The following SEMA3A variants were observed in gnomAD, a reference collection of about 807,000 sequenced individuals.
SEMA3A encodes the protein semaphorin 3A.
Under a neutral mutation model 97.9 loss-of-function variants are expected in SEMA3A, and 29 were observed. That is an observed-to-expected ratio of 0.30 (90% CI 0.22 to 0.40). The LOEUF is 0.40. Ranked by LOEUF, SEMA3A falls within the 10% of genes least tolerant of loss-of-function variation. The pLI is 1.00. For synonymous variants in SEMA3A, 321 were observed against 323.7 expected, an observed-to-expected ratio of 0.99 and a Z score of 0.09; for missense variants, 763 against 951.3, an observed-to-expected ratio of 0.80 and a Z score of 2.60.
chr7:84,448,789 A>G (rs34483851), intron 1 of SEMA3A, among the ~76,000 whole-genome samples: 17,110 of 147,416 alleles, frequency 0.12, 1,190 homozygotes, highest in East Asian at 0.28. Flanking sequence ...ATTTCCATAG[A>G]AAAAAAAAAA....
chr7:84,138,516 T>A (rs530331918), intron 1 of SEMA3A, among the ~76,000 whole-genome samples: 1 of 152,326 alleles, frequency 6.6e-6, no homozygotes, highest in South Asian at 2.1e-4. Context: ...ACAGAATTAC[T>A]GTTTCCTACG....
chr7:84,277,681 C>T (rs570937041), intron 3 of SEMA3A, among the ~76,000 whole-genome samples: 13 of 151,990 alleles, frequency 8.6e-5, no homozygotes, highest in Admixed American at 5.3e-4. Context: ...GGAAGCAGAA[C>T]GCAGACATCT....
intron 4 of SEMA3A, among the ~76,000 whole-genome samples, chr7:84,080,022 C>A (rs1048676200): frequency 1.4e-5 from 2 of 144,532 alleles, no homozygotes; most frequent in Non-Finnish European, 3.0e-5. Context: ...ACTATGCAGC[C>A]ATAAAAAATG....
chr7:84,028,484 T>C (rs769178445), intron 6 of SEMA3A, among the ~76,000 whole-genome samples: 25 of 152,224 alleles, frequency 1.6e-4, no homozygotes, highest in Non-Finnish European at 3.2e-4. Flanking sequence ...TATGTTCTTT[T>C]TACTTAAATA....
rs752729583 is a variant in SEMA3A, at chr7:84,008,490, CA to C, written c.996-994del. Among the ~76,000 whole-genome samples, 187 of 81,172 alleles carry C rather than the reference CA, an allele frequency of 2.3e-3. 1 individual carries two copies. The highest frequency in any genetic ancestry group is 5.4e-3 in the African/African-American group (129 of 23,822). 53.3% of individuals were successfully genotyped at this position (81,172 alleles called of 152,430 possible). A position where few individuals can be genotyped will look rare whatever the true frequency, so the allele number is the denominator to read the frequency against. ...TGGGCTACAGAACAAGACTCCGTCTCAAAAAAAAAAAAAAAAAAGAAAGAAA... is the reference window on the plus strand; with the variant it reads ...TGGGCTACAGAACAAGACTCCGTCTCAAAAAAAAAAAAAAAAAGAAAGAAA... On this transcript the variant is annotated intron_variant, in intron 9 of 16. Coordinates refer to ENST00000265362, the MANE Select transcript of SEMA3A (RefSeq NM_006080.3).
chr7:84,046,243 G>A, intron 6 of SEMA3A, 81 bp downstream of exon 6: 1 of 1,494,634 alleles, frequency 6.7e-7, no homozygotes, highest in Non-Finnish European at 9.2e-7. Context: ...AAGTCATATT[G>A]CATGTACTGT....
In SEMA3A at chr7:83,958,861, A is replaced by G. The variant is rs1353804060; in HGVS notation, c.*2510T>C. 1 of 152,324 alleles carries G rather than the reference A, an allele frequency of 6.6e-6. No homozygotes were observed. The highest frequency in any genetic ancestry group is 1.9e-4 in the East Asian group (1 of 5,182). The allele number at this position is 152,324 out of a possible 1,614,324, so 9.4% of individuals were successfully genotyped here. On this transcript the variant is annotated 3_prime_UTR_variant, in exon 17 of 17. Coordinates refer to ENST00000265362, the MANE Select transcript of SEMA3A (RefSeq NM_006080.3). ...TTAAGACTGCTGTTGTAATTTTCGT[A>G]AGGTCACATGAGTCTCTCAAACAGT...
intron 1 of SEMA3A, among the ~76,000 whole-genome samples, chr7:84,174,533 A>G (rs1184565198): frequency 6.6e-6 from 1 of 152,214 alleles, no homozygotes; most frequent in Admixed American, 6.5e-5. Context: ...CAACTTACGC[A>G]TCCACAAAAA....
At chr7:84,080,547 C>G (rs1317376203) in intron 4 of SEMA3A, among the ~76,000 whole-genome samples, 1 of 150,262 alleles carries the variant, frequency 6.7e-6, no homozygotes, top group Non-Finnish European at 1.5e-5. Context: ...TTATAATTTG[C>G]AGCTTATAAT....
At chr7:84,049,174 G>A (rs1340594136) in intron 5 of SEMA3A, among the ~76,000 whole-genome samples, 1 of 152,092 alleles carries the variant, frequency 6.6e-6, no homozygotes, top group African/African-American at 2.4e-5. Flanking sequence ...TTAGGCACCA[G>A]TTGCCTCCAG....
chr7:84,361,844 A>G (rs521595), intron 2 of SEMA3A, among the ~76,000 whole-genome samples: 43,614 of 151,822 alleles, frequency 0.29, 6,746 homozygotes, highest in African/African-American at 0.38. Context: ...GGTGTCCTTC[A>G]TTTTCATTAC....
chr7:84,156,805 T>C (rs1469026614), intron 1 of SEMA3A, among the ~76,000 whole-genome samples: 1 of 152,140 alleles, frequency 6.6e-6, no homozygotes, highest in African/African-American at 2.4e-5. Context: ...ATGTTAATCC[T>C]TTCAGGAACA....
intron 1 of SEMA3A, among the ~76,000 whole-genome samples, chr7:84,381,476 T>G (rs1294746129): frequency 6.6e-6 from 1 of 152,228 alleles, no homozygotes; most frequent in East Asian, 1.9e-4. Context: ...GACTAATGTC[T>G]TCTGCAAAAC....
chr7:84,091,698 T>C (rs1441180893), intron 4 of SEMA3A, among the ~76,000 whole-genome samples: 2 of 152,166 alleles, frequency 1.3e-5, no homozygotes, highest in African/African-American at 4.8e-5. Flanking sequence ...GAGAAAACTG[T>C]TTTAATTTGG....
At chr7:84,242,996 A>G (rs533250754) in intron 3 of SEMA3A, among the ~76,000 whole-genome samples, 9 of 152,300 alleles carry the variant, frequency 5.9e-5, no homozygotes, top group African/African-American at 1.9e-4. Flanking sequence ...CATCCCAGGG[A>G]TGAAGCCGAC....
intron 4 of SEMA3A, among the ~76,000 whole-genome samples, chr7:84,061,764 C>G (rs2115690370): frequency 6.6e-6 from 1 of 152,138 alleles, no homozygotes; most frequent in African/African-American, 2.4e-5. Context: ...GGAAGAAATT[C>G]CAAGTGTTCT....
intron 4 of SEMA3A, among the ~76,000 whole-genome samples, chr7:84,078,662 TTTAA>T (rs1334244653): frequency 6.6e-6 from 1 of 152,086 alleles, no homozygotes; most frequent in Non-Finnish European, 1.5e-5. Flanking sequence ...GAAACTCTAG[TTTAA>T]TTGTCATAGT....
chr7:84,150,924 C>G (rs372746317), intron 1 of SEMA3A, among the ~76,000 whole-genome samples: 2 of 149,214 alleles, frequency 1.3e-5, no homozygotes, highest in African/African-American at 2.5e-5. Context: ...TCAAGTGGGT[C>G]CCTGACCCCT....
intron 1 of SEMA3A, among the ~76,000 whole-genome samples, chr7:84,460,233 C>T (rs1584340734): frequency 6.6e-6 from 1 of 151,940 alleles, no homozygotes; most frequent in African/African-American, 2.4e-5. Flanking sequence ...TTGTCTAATC[C>T]TGCAAATAGA....
Sources: allele counts gnomAD v4.1 joint callset (sites outside exome capture counted in the v4.1 genomes callset), GRCh38; gene constraint gnomAD v4.1.1; transcripts MANE v1.5; gene names NCBI Gene and HGNC (gene_info 2026-07-23, HGNC 2026-07-21).